Variants in HNMT observed in about 807,000 individuals in gnomAD.
HNMT encodes the protein histamine N-methyltransferase.
Under a neutral mutation model 32.1 loss-of-function variants are expected in HNMT, and 30 were observed. The observed-to-expected ratio is 0.93, with a 90% confidence interval of 0.70 to 1.27. HNMT has a LOEUF of 1.27. Among genes scored for constraint, HNMT ranks in the 50% most tolerant of loss-of-function variants. HNMT has a pLI of 0.00. For missense variants in HNMT, 327 were observed against 346.0 expected, an observed-to-expected ratio of 0.95 and a Z score of 0.43; for synonymous variants, 125 against 119.0, an observed-to-expected ratio of 1.05 and a Z score of -0.33.
chr2:138,005,479 A>C (rs570035828), intron 5 of HNMT, among the ~76,000 whole-genome samples: 1 of 152,188 alleles, frequency 6.6e-6, no homozygotes, highest in African/African-American at 2.4e-5. Context: ...TCTATATATG[A>C]ATCCTTTTTA....
intron 2 of HNMT, among the ~76,000 whole-genome samples, chr2:137,999,639 T>A (rs766780745): frequency 1.3e-5 from 2 of 152,182 alleles, no homozygotes; most frequent in Non-Finnish European, 2.9e-5. Flanking sequence ...AAGACTAACA[T>A]CATTTTCCTA....
chr2:138,003,691 A>G (rs2104978530), intron 4 of HNMT, among the ~76,000 whole-genome samples: 1 of 152,056 alleles, frequency 6.6e-6, no homozygotes, highest in African/African-American at 2.4e-5. Flanking sequence ...TTCTGAGCCA[A>G]TGACCTCACT....
At chr2:138,002,672 C>A in intron 4 of HNMT, 1 of 377,914 alleles carries the variant, frequency 2.6e-6, no homozygotes, top group Non-Finnish European at 3.6e-6. Context: ...GTCTTGAAAT[C>A]CTGGGCTCAA....
intron 2 of HNMT, among the ~76,000 whole-genome samples, chr2:137,992,572 G>A (rs1283226795): frequency 6.6e-6 from 1 of 152,158 alleles, no homozygotes; most frequent in Non-Finnish European, 1.5e-5. Context: ...CCCTGGTCCT[G>A]TGTCCCTAGG....
chr2:138,012,911 C>T (rs1681551892), intron 5 of HNMT, among the ~76,000 whole-genome samples: 1 of 152,062 alleles, frequency 6.6e-6, no homozygotes, highest in Admixed American at 6.6e-5. Context: ...CACCTATCCC[C>T]CAGGTGATTA....
chr2:137,969,655 A>G (rs1220068960), intron 1 of HNMT, among the ~76,000 whole-genome samples: 1 of 152,038 alleles, frequency 6.6e-6, no homozygotes, highest in African/African-American at 2.4e-5. Flanking sequence ...TTCGGGCTTT[A>G]TTATCTCACA....
In HNMT at chr2:138,002,090, G is replaced by T. The variant is rs528223406; in HGVS notation, c.325G>T (p.Glu109Ter). The change falls in exon 4 of 6, where the codon GAG becomes TAG. Residue 109 changes from glutamate to a stop codon, truncating the protein, a stop_gained. Transcript: ENST00000280097. LOFTEE classifies it high-confidence loss of function. ...KELVAKTSNL[E>*]NVKFAWHKET... ...GCTTGTAGCCAAGACATCGAACCTC[G>T]AGAACGTAAAGTTTGCTTGGCATAA... is the stretch of plus-strand genomic sequence containing the variant. 8 of 1,592,950 alleles carry T rather than the reference G, an allele frequency of 5.0e-6. No individual in the cohort carries two copies. The highest frequency in any genetic ancestry group is 1.2e-5 in the South Asian group (1 of 86,124).
At chr2:137,996,021 A>G (rs1404240580) in intron 2 of HNMT, among the ~76,000 whole-genome samples, 1 of 152,232 alleles carries the variant, frequency 6.6e-6, no homozygotes, top group Non-Finnish European at 1.5e-5. Context: ...ACATATCTCA[A>G]AATAATGAAA....
At chr2:137,979,244 AATTTTACATAAATGT>A (rs1329043279) in intron 2 of HNMT, among the ~76,000 whole-genome samples, 1 of 150,036 alleles carries the variant, frequency 6.7e-6, no homozygotes, top group Admixed American at 6.7e-5. Flanking sequence ...AATATAAATG[AATTTTACATAAATGT>A]ATACTTTTAT....
At chr2:137,979,926 C>T (rs143466135) in intron 2 of HNMT, among the ~76,000 whole-genome samples, 45 of 152,186 alleles carry the variant, frequency 3.0e-4, no homozygotes, top group African/African-American at 1.0e-3. Flanking sequence ...ACTAGACCTC[C>T]GGCCTCTCCT....
At chr2:137,994,391 A>C (rs1249034080) in intron 2 of HNMT, among the ~76,000 whole-genome samples, 1 of 152,240 alleles carries the variant, frequency 6.6e-6, no homozygotes, top group Non-Finnish European at 1.5e-5. Context: ...AGTCTCTGAC[A>C]AAACAGACTT....
intron 3 of HNMT, among the ~76,000 whole-genome samples, 161 bp from the exon 4 acceptor site, chr2:138,001,903 A>G (rs1681185229): frequency 6.6e-6 from 1 of 152,138 alleles, no homozygotes; most frequent in Non-Finnish European, 1.5e-5. Flanking sequence ...CTAGAAACCA[A>G]AAAAAGCAGT....
intron 2 of HNMT, among the ~76,000 whole-genome samples, chr2:137,998,063 T>C (rs1003737183): frequency 6.6e-6 from 1 of 151,920 alleles, no homozygotes; most frequent in Non-Finnish European, 1.5e-5. Context: ...GGTCAATAGG[T>C]GCAGCAAACC....
intron 5 of HNMT, among the ~76,000 whole-genome samples, chr2:138,006,116 C>G (rs80141063): frequency 2.0e-5 from 3 of 151,982 alleles, no homozygotes; most frequent in Non-Finnish European, 4.4e-5. Flanking sequence ...CACAACCTCT[C>G]CTGCAAGGGA....
rs531017283 is a variant in HNMT, at chr2:138,006,827, A to T, written c.523+1602A>T. On this transcript the variant is annotated intron_variant, in intron 5 of 5. Coordinates refer to ENST00000280097, the MANE Select transcript of HNMT (RefSeq NM_006895.3). ...TATCTGCATTATATTACATCTTTTC[A>T]TATATGTGGCTCATAAGTACCATCT... Among the ~76,000 whole-genome samples the T allele has an allele frequency of 7.6e-4, 116 of 152,142 alleles. 1 individual carries two copies. The highest frequency in any genetic ancestry group is 2.8e-3 in the African/African-American group (115 of 41,536).
chr2:137,997,393 A>T (rs1303025615), intron 2 of HNMT, among the ~76,000 whole-genome samples: 1 of 152,212 alleles, frequency 6.6e-6, no homozygotes, highest in Non-Finnish European at 1.5e-5. Context: ...AAAAGAAGAC[A>T]TTTATGTGGC....
At chr2:138,011,933 C>A (rs913062023) in intron 5 of HNMT, among the ~76,000 whole-genome samples, 1 of 152,060 alleles carries the variant, frequency 6.6e-6, no homozygotes, top group Non-Finnish European at 1.5e-5. Flanking sequence ...GAAGGAAAGC[C>A]AGGCTTCATA....
intron 1 of HNMT, among the ~76,000 whole-genome samples, chr2:137,969,461 C>T (rs2104923618): frequency 6.6e-6 from 1 of 152,258 alleles, no homozygotes; most frequent in East Asian, 1.9e-4. Context: ...AAGCTTGCTG[C>T]CAAACTGTAT....
intron 5 of HNMT, 87 bp downstream of exon 5, chr2:138,005,312 T>A: frequency 2.7e-6 from 2 of 734,516 alleles, no homozygotes; most frequent in South Asian, 1.8e-5. Context: ...GCTTATATAT[T>A]TTGTCTTCAT....
Sources: gnomAD v4.1 joint callset for allele counts (sites outside exome capture counted in the v4.1 genomes callset) on GRCh38, gnomAD v4.1.1 for gene constraint, MANE v1.5 for transcripts, NCBI Gene and HGNC (gene_info 2026-07-23, HGNC 2026-07-21) for gene names.